The following NOL10 variants were observed in gnomAD, a reference collection of about 807,000 sequenced individuals.
The protein encoded by NOL10 is nucleolar protein 10.
In NOL10, 58 loss-of-function variants were observed where a neutral mutation model predicts 103.5. That is an observed-to-expected ratio of 0.56 (90% CI 0.45 to 0.70). The LOEUF (loss-of-function observed/expected upper bound fraction) is 0.70. NOL10 is among the 30% of genes least tolerant of loss of function. NOL10 has a pLI of 0.00. For synonymous variants in NOL10, 287 were observed against 282.5 expected (o/e 1.02, Z -0.16); for missense variants, 763 against 807.3 (o/e 0.95, Z 0.67).
At chr2:10,641,914 C>T (rs1678721150) in intron 13 of NOL10, among the ~76,000 whole-genome samples, 1 of 152,252 alleles carries the variant, frequency 6.6e-6, no homozygotes, top group Admixed American at 6.5e-5. Context: ...GCACTCCACA[C>T]TGAGAGTGCT....
Position 10,668,676 on chromosome 2 carries a change from G to C in NOL10, c.512C>G (p.Pro171Arg). 4.5e-6 allele frequency: 7 copies of C among 1,545,884 alleles called. No individual in the cohort carries two copies. Among genetic ancestry groups the C allele is most frequent in the Non-Finnish European group, 6.2e-6 (7 of 1,134,814 alleles). The change falls in exon 7 of 21, where the codon CCT (proline) becomes CGT (arginine). Residue 171 changes from proline (P) to arginine (R), a missense_variant. Coordinates refer to ENST00000381685, the MANE Select transcript of NOL10 (RefSeq NM_024894.4). ...TACTCACGCAGCATCAGTTTGTAGAGGATTCAGGTATCGTCCTTGTTCTAA... is the reference window on the plus strand; with the variant it reads ...TACTCACGCAGCATCAGTTTGTAGACGATTCAGGTATCGTCCTTGTTCTAA... ...LNLEQGRYLNPLQTDAAENNV... is the reference protein window; with the variant it reads ...LNLEQGRYLNRLQTDAAENNV...
At chr2:10,637,202 A>AAAAC (rs1678307724) in intron 13 of NOL10, among the ~76,000 whole-genome samples, 1 of 150,474 alleles carries the variant, frequency 6.6e-6, no homozygotes, top group East Asian at 1.9e-4. Context: ...AAAAAAAAAA[A>AAAAC]AAAAAAAAAA....
intron 9 of NOL10, among the ~76,000 whole-genome samples, chr2:10,660,611 C>T (rs367660380): frequency 6.6e-6 from 1 of 152,182 alleles, no homozygotes; most frequent in African/African-American, 2.4e-5. Context: ...AGCCACCACA[C>T]CTGGCCCATA....
chr2:10,665,197 T>C (rs536507100), intron 8 of NOL10, among the ~76,000 whole-genome samples: 25 of 152,338 alleles, frequency 1.6e-4, no homozygotes, highest in African/African-American at 5.8e-4. Flanking sequence ...TCTAGTCTTC[T>C]ATGTCTTCTC....
intron 17 of NOL10, among the ~76,000 whole-genome samples, chr2:10,597,823 G>C (rs746477207): frequency 3.3e-5 from 5 of 152,192 alleles, no homozygotes; most frequent in Non-Finnish European, 1.5e-5. Flanking sequence ...CTGTTTGATG[G>C]AAGAAGATAG....
chr2:10,645,437 A>G (rs964664236), intron 12 of NOL10, among the ~76,000 whole-genome samples: 2 of 152,130 alleles, frequency 1.3e-5, no homozygotes, highest in Admixed American at 1.3e-4. Context: ...TATTAACACA[A>G]AAGTTTGTAA....
In NOL10 at chr2:10,636,420, C is replaced by CAAAA. The variant is rs70953327; in HGVS notation, c.1026+7896_1026+7899dup. 1.4e-3 allele frequency among the ~76,000 whole-genome samples: 76 copies of CAAAA among 54,700 alleles called. 2 individuals carry two copies. The highest frequency in any genetic ancestry group is 2.3e-3 in the East Asian group (3 of 1,312). 35.9% of individuals were successfully genotyped at this position (54,700 alleles called of 152,430 possible). A position where few individuals can be genotyped will look rare whatever the true frequency, so the allele number is the denominator to read the frequency against. On this transcript the variant is annotated intron_variant, in intron 13 of 20. Coordinates refer to ENST00000381685, the MANE Select transcript of NOL10 (RefSeq NM_024894.4). Reference sequence around the variant, plus strand: ...GTGAAACCCTGTCTCTACAAAAAACCAAAAAAAAAAAAAAAAAAAAAAAAA... The same window carrying CAAAA: ...GTGAAACCCTGTCTCTACAAAAAACCAAAAAAAAAAAAAAAAAAAAAAAAAAAAA...
At chr2:10,580,508 C>A (rs1001931746) in intron 19 of NOL10, among the ~76,000 whole-genome samples, 20 of 152,036 alleles carry the variant, frequency 1.3e-4, no homozygotes, top group African/African-American at 4.8e-4. Flanking sequence ...AAAACAATCC[C>A]CAAACTTGTG....
intron 13 of NOL10, among the ~76,000 whole-genome samples, chr2:10,640,052 C>A (rs1053686297): frequency 6.6e-6 from 1 of 152,262 alleles, no homozygotes; most frequent in African/African-American, 2.4e-5. Flanking sequence ...TAAAAGAACA[C>A]TAAGTTGCCT....
chr2:10,606,039 G>A (rs1676236124), intron 14 of NOL10, among the ~76,000 whole-genome samples: 1 of 152,066 alleles, frequency 6.6e-6, no homozygotes, highest in African/African-American at 2.4e-5. Context: ...AGTAACTTCT[G>A]CTGTAGCCCT....
chr2:10,589,461 A>T, intron 18 of NOL10, 117 bp downstream of exon 18: 1 of 1,203,856 alleles, frequency 8.3e-7, no homozygotes, highest in Non-Finnish European at 1.1e-6. Context: ...CCCAATGTCA[A>T]ACACTTAATA....
intron 20 of NOL10, among the ~76,000 whole-genome samples, chr2:10,575,130 G>T (rs927391371): frequency 1.3e-5 from 2 of 152,216 alleles, no homozygotes; most frequent in Non-Finnish European, 2.9e-5. Flanking sequence ...AGGAGGACAG[G>T]TGCAAACAGG....
chr2:10,573,805 C>T (rs543738316), intron 20 of NOL10, among the ~76,000 whole-genome samples: 14 of 152,254 alleles, frequency 9.2e-5, no homozygotes, highest in Admixed American at 4.6e-4. Flanking sequence ...TTCTGAAGTG[C>T]GTCCCAAACT....
At chr2:10,624,398 T>G (rs931893129) in intron 13 of NOL10, among the ~76,000 whole-genome samples, 1 of 151,804 alleles carries the variant, frequency 6.6e-6, no homozygotes, top group Non-Finnish European at 1.5e-5. Context: ...ACAGAGGGAT[T>G]TGGGAGGAAT....
rs180837103 is a variant in NOL10, at chr2:10,644,296, G to A, written c.1026+24C>T. On this transcript the variant is annotated intron_variant, in intron 13 of 20. Coordinates refer to ENST00000381685, the MANE Select transcript of NOL10 (RefSeq NM_024894.4). Reference sequence around the variant, plus strand: ...TATCTTTGCTTGTCCTATTTTTACTGAAACTCCTCTTTGTATTACTTACTG... The same window carrying A: ...TATCTTTGCTTGTCCTATTTTTACTAAAACTCCTCTTTGTATTACTTACTG... 35 of 1,458,622 alleles carry A rather than the reference G, an allele frequency of 2.4e-5. No individual in the cohort carries two copies. In the African/African-American group the frequency reaches 4.3e-4, roughly 18 times the overall value. The allele number at this position is 1,458,622 out of a possible 1,614,324, so 90.4% of individuals were successfully genotyped here.
At chr2:10,615,653 A>G (rs4405729) in intron 13 of NOL10, among the ~76,000 whole-genome samples, 90,002 of 152,086 alleles carry the variant, frequency 0.59, 27,644 homozygotes, top group African/African-American at 0.74. Context: ...AGATGCAGTA[A>G]TTTAAGAAAC....
At position 10,634,593 on chromosome 2, in the gene NOL10, G is replaced by A. The variant is rs1021733565; in HGVS notation, c.1026+9727C>T. The stretch of plus-strand genomic sequence containing the variant: ...GAAAATTGGACGTCATTAACACACA[G>A]CTGTTATATAAAGCCTAGTTATATA... On this transcript the variant is annotated intron_variant, in intron 13 of 20. Transcript: ENST00000381685. 1.3e-5 allele frequency: 6 copies of A among 456,700 alleles called. No individual in the cohort carries two copies. In the East Asian group the frequency reaches 4.2e-4, roughly 32 times the overall value. The allele number at this position is 456,700 out of a possible 1,614,324, so 28.3% of individuals were successfully genotyped here.
chr2:10,687,941 T>C (rs1220262992), intron 1 of NOL10, among the ~76,000 whole-genome samples: 1 of 152,148 alleles, frequency 6.6e-6, no homozygotes, highest in African/African-American at 2.4e-5. Flanking sequence ...TCTTGATTCT[T>C]TTTGCTCACT....
intron 13 of NOL10, among the ~76,000 whole-genome samples, chr2:10,622,619 G>A (rs1033134426): frequency 6.6e-6 from 1 of 152,146 alleles, no homozygotes; most frequent in African/African-American, 2.4e-5. Context: ...CTGTAAAGGA[G>A]CGGAGACCCA....
Sources: allele counts gnomAD v4.1 joint callset (sites outside exome capture counted in the v4.1 genomes callset), GRCh38; gene constraint gnomAD v4.1.1; transcripts MANE v1.5; gene names NCBI Gene and HGNC (gene_info 2026-07-23, HGNC 2026-07-21).